Variants in GSK3B observed in about 807,000 individuals in gnomAD.
GSK3B encodes glycogen synthase kinase-3 beta.
In GSK3B, 15 loss-of-function variants were observed where a neutral mutation model predicts 56.4. The ratio of observed to expected loss-of-function variants is 0.27; its 90% CI spans 0.18 to 0.41. The LOEUF is 0.41. Among genes scored for constraint, GSK3B ranks in the 10% least tolerant of loss-of-function variants. The pLI is 1.00. For synonymous variants in GSK3B, 181 were observed against 188.9 expected, an observed-to-expected ratio of 0.96 and a Z score of 0.34; for missense variants, 300 against 513.4, an observed-to-expected ratio of 0.58 and a Z score of 4.02.
At chr3:119,996,696 T>C (rs2057620897) in intron 2 of GSK3B, among the ~76,000 whole-genome samples, 1 of 152,078 alleles carries the variant, frequency 6.6e-6, no homozygotes, top group Admixed American at 6.6e-5. Flanking sequence ...CATAGGGACA[T>C]ATTTTCAATC....
intron 2 of GSK3B, among the ~76,000 whole-genome samples, chr3:119,955,936 A>G (rs1252705759): frequency 6.6e-6 from 1 of 152,172 alleles, no homozygotes; most frequent in Non-Finnish European, 1.5e-5. Flanking sequence ...TACAGGTGTG[A>G]GCCACCTCAC....
At chr3:119,979,240 C>G (rs1304768697) in intron 2 of GSK3B, among the ~76,000 whole-genome samples, 1 of 152,166 alleles carries the variant, frequency 6.6e-6, no homozygotes, top group Non-Finnish European at 1.5e-5. Context: ...TATATTCAGG[C>G]CTTCTTCTAC....
intron 1 of GSK3B, among the ~76,000 whole-genome samples, chr3:120,056,405 T>A (rs1481069744): frequency 6.6e-6 from 1 of 152,204 alleles, no homozygotes; most frequent in Non-Finnish European, 1.5e-5. Context: ...ACTAGTACGA[T>A]CTTGGCTGAC....
intron 1 of GSK3B, among the ~76,000 whole-genome samples, chr3:120,022,089 T>C (rs2057883405): frequency 6.6e-6 from 1 of 152,138 alleles, no homozygotes; most frequent in African/African-American, 2.4e-5. Context: ...AACAGAGAAA[T>C]CTTCCGTGAA....
chr3:120,079,136 T>G (rs141116688), intron 1 of GSK3B, among the ~76,000 whole-genome samples: 3,518 of 151,128 alleles, frequency 0.023, 64 homozygotes, highest in Middle Eastern at 0.045. Context: ...GAGACAGGGT[T>G]TCACCATGTT....
chr3:119,911,106 G>C lies in GSK3B; in HGVS notation c.715+1598C>G, dbSNP rs545166890. Reference sequence around the variant, plus strand: ...TCACAAATGTTCTTAGTGACACCTAGAATGGTGAATCCTTTCCAGAAGATT... The same window carrying C: ...TCACAAATGTTCTTAGTGACACCTACAATGGTGAATCCTTTCCAGAAGATT... On this transcript the variant is annotated intron_variant, in intron 6 of 10. Coordinates refer to ENST00000264235, the MANE Select transcript of GSK3B (RefSeq NM_001146156.2). Among the ~76,000 whole-genome samples the C allele has an allele frequency of 9.2e-5, 14 of 152,300 alleles. No homozygotes were observed. The South Asian group carries it at 2.9e-3, about 32-fold the overall frequency.
At position 119,931,474 on chromosome 3, in the gene GSK3B, G is replaced by C. The variant is rs548938039; in HGVS notation, c.367-7991C>G. Reference sequence around the variant, plus strand: ...CTACCAAAAATACAAAAGTTAGCCAGGCGTGGTGGCATGCACCTGTAGTCC... The same window carrying C: ...CTACCAAAAATACAAAAGTTAGCCACGCGTGGTGGCATGCACCTGTAGTCC... On this transcript the variant is annotated intron_variant, in intron 3 of 10. Coordinates refer to ENST00000264235, the MANE Select transcript of GSK3B (RefSeq NM_001146156.2). 7.2e-5 allele frequency among the ~76,000 whole-genome samples: 11 copies of C among 152,234 alleles called. No individual in the cohort carries two copies. In the East Asian group the frequency reaches 2.1e-3, roughly 29 times the overall value.
At chr3:119,923,519 C>T (rs1045162758) in intron 3 of GSK3B, 36 bp from the exon 4 acceptor site, 4 of 1,019,864 alleles carry the variant, frequency 3.9e-6, no homozygotes, top group Non-Finnish European at 5.9e-6. Flanking sequence ...AAAAACAAAA[C>T]AGATTAGAAA....
chr3:119,870,256 C>T (rs921810660), intron 8 of GSK3B, among the ~76,000 whole-genome samples: 1 of 152,130 alleles, frequency 6.6e-6, no homozygotes, highest in Non-Finnish European at 1.5e-5. Flanking sequence ...ATTAAGTATA[C>T]GGTTACATAG....
intron 4 of GSK3B, among the ~76,000 whole-genome samples, chr3:119,919,107 T>G (rs1474575872): frequency 1.3e-5 from 2 of 152,216 alleles, no homozygotes. Flanking sequence ...TTTTAAAACC[T>G]ACTTAAGTTC....
intron 2 of GSK3B, among the ~76,000 whole-genome samples, chr3:119,947,775 C>G (rs1202571211): frequency 2.0e-5 from 3 of 148,566 alleles, no homozygotes; most frequent in Non-Finnish European, 4.4e-5. Context: ...TTATTGTTTT[C>G]TAAGATGCAG....
At chr3:119,989,619 T>G (rs577466147) in intron 2 of GSK3B, among the ~76,000 whole-genome samples, 1 of 148,904 alleles carries the variant, frequency 6.7e-6, no homozygotes, top group Non-Finnish European at 1.5e-5. Flanking sequence ...TACTCCAGTC[T>G]GGGTGACGGA....
chr3:119,887,895 G>A (rs1354053503), intron 7 of GSK3B, among the ~76,000 whole-genome samples: 1 of 152,042 alleles, frequency 6.6e-6, no homozygotes, highest in African/African-American at 2.4e-5. Flanking sequence ...GGTATCAACA[G>A]TTGACTTCTT....
At chr3:120,052,029 C>T (rs1387688514) in intron 1 of GSK3B, among the ~76,000 whole-genome samples, 1 of 152,106 alleles carries the variant, frequency 6.6e-6, no homozygotes, top group Non-Finnish European at 1.5e-5. Context: ...GAGAAATTCA[C>T]AGAAGGAAAG....
chr3:119,867,245 C>T (rs2056195085), intron 8 of GSK3B, among the ~76,000 whole-genome samples: 1 of 152,084 alleles, frequency 6.6e-6, no homozygotes, highest in Non-Finnish European at 1.5e-5. Context: ...ATCAGGCCAC[C>T]GCGGATTATT....
At chr3:119,984,592 T>C (rs1046918701) in intron 2 of GSK3B, among the ~76,000 whole-genome samples, 1 of 152,086 alleles carries the variant, frequency 6.6e-6, no homozygotes, top group Non-Finnish European at 1.5e-5. Context: ...AACACCTCTA[T>C]GCAAATAAAC....
chr3:120,006,772 G>A (rs2057732367), intron 1 of GSK3B, among the ~76,000 whole-genome samples: 2 of 152,178 alleles, frequency 1.3e-5, no homozygotes, highest in Non-Finnish European at 2.9e-5. Flanking sequence ...GCAGTGTTTA[G>A]AGGGAAACTT....
At chr3:119,861,658 C>G (rs1038140179) in intron 9 of GSK3B, among the ~76,000 whole-genome samples, 2 of 152,028 alleles carry the variant, frequency 1.3e-5, no homozygotes, top group Non-Finnish European at 1.5e-5. Flanking sequence ...TTACAAAGAC[C>G]GTGAGAAAGT....
At chr3:120,044,726 C>A (rs1451258805) in intron 1 of GSK3B, among the ~76,000 whole-genome samples, 1 of 152,094 alleles carries the variant, frequency 6.6e-6, no homozygotes, top group Admixed American at 6.5e-5. Context: ...GAGATGCTGT[C>A]AAAGGAATAG....
Sources: allele counts gnomAD v4.1 joint callset (sites outside exome capture counted in the v4.1 genomes callset), GRCh38; gene constraint gnomAD v4.1.1; transcripts MANE v1.5; gene names NCBI Gene and HGNC (gene_info 2026-07-23, HGNC 2026-07-21).